RPS6KA2: variants seen among roughly 807,000 people sequenced by gnomAD.
RPS6KA2 encodes the protein ribosomal protein S6 kinase alpha-2.
A neutral mutation model predicts 91.8 loss-of-function variants in RPS6KA2; 42 were observed. The observed-to-expected ratio is 0.46, with a 90% CI of 0.36 to 0.59. RPS6KA2 has a LOEUF of 0.59. Ranked by LOEUF, RPS6KA2 falls within the 20% of genes least tolerant of loss-of-function variation. RPS6KA2 has a pLI of 0.00. For synonymous variants in RPS6KA2, 414 were observed against 393.6 expected, an observed-to-expected ratio of 1.05 and a Z score of -0.61; for missense variants, 798 against 978.5, an observed-to-expected ratio of 0.82 and a Z score of 2.46.
At chr6:166,660,713 C>T (rs1489111569) in intron 2 of RPS6KA2, among the ~76,000 whole-genome samples, 1 of 152,196 alleles carries the variant, frequency 6.6e-6, no homozygotes, top group African/African-American at 2.4e-5. Context: ...ACAGTATGTG[C>T]TGTTCTTGAG....
chr6:166,503,933 G>GTT (rs1782107954), intron 6 of RPS6KA2, among the ~76,000 whole-genome samples: 1 of 152,202 alleles, frequency 6.6e-6, no homozygotes, highest in Admixed American at 6.5e-5. Context: ...TTCTGGGGCC[G>GTT]TTGTCTTTTA....
chr6:166,756,047 T>C (rs949596095), intron 2 of RPS6KA2, among the ~76,000 whole-genome samples: 3 of 152,210 alleles, frequency 2.0e-5, no homozygotes, highest in African/African-American at 4.8e-5. Context: ...TAAAATTATA[T>C]TCTGTGGCCG....
chr6:166,414,818 A>G lies in RPS6KA2; in HGVS notation c.1939-887T>C, dbSNP rs1332958466. On this transcript the variant is annotated intron_variant, in intron 19 of 20. Coordinates refer to ENST00000265678, the MANE Select transcript of RPS6KA2 (RefSeq NM_021135.6). ...GTTGGCTCATGCCTGTAATCCTAGC[A>G]CTCTGGGAGGCTGAGGCAGGTGGAT... Among the ~76,000 whole-genome samples, 3 of 152,142 alleles carry G rather than the reference A, an allele frequency of 2.0e-5. No individual in the cohort carries two copies. In the East Asian group the frequency reaches 5.8e-4, roughly 29 times the overall value.
intron 2 of RPS6KA2, among the ~76,000 whole-genome samples, chr6:166,711,706 C>T (rs1163339979): frequency 6.6e-6 from 1 of 151,448 alleles, no homozygotes; most frequent in Non-Finnish European, 1.5e-5. Flanking sequence ...CACCTCAAAA[C>T]CCAGAGAAAT....
intron 1 of RPS6KA2, among the ~76,000 whole-genome samples, chr6:166,548,183 G>T (rs1014421155): frequency 6.6e-6 from 1 of 152,132 alleles, no homozygotes; most frequent in African/African-American, 2.4e-5. Flanking sequence ...AAAAATTACG[G>T]AACATATTAT....
intron 11 of RPS6KA2, among the ~76,000 whole-genome samples, chr6:166,468,856 T>TCGGCCTCAAAAAA (rs567161437): frequency 8.9e-6 from 1 of 112,184 alleles, no homozygotes; most frequent in Admixed American, 8.9e-5. Flanking sequence ...AGAGCGAGAC[T>TCGGCCTCAAAAAA]AAAAAAAAAA....
intron 2 of RPS6KA2, among the ~76,000 whole-genome samples, chr6:166,800,602 A>C (rs1233457557): frequency 6.6e-6 from 1 of 152,116 alleles, no homozygotes; most frequent in African/African-American, 2.4e-5. Context: ...TGGAAGCAGA[A>C]ATGGGTCCTC....
chr6:166,746,157 C>G (rs930235369), intron 2 of RPS6KA2, among the ~76,000 whole-genome samples: 1 of 152,148 alleles, frequency 6.6e-6, no homozygotes, highest in South Asian at 2.1e-4. Context: ...TGCCTTGGGA[C>G]GCACACACCC....
intron 2 of RPS6KA2, among the ~76,000 whole-genome samples, chr6:166,698,672 A>C (rs545191519): frequency 2.8e-4 from 42 of 152,276 alleles, no homozygotes; most frequent in Admixed American, 9.8e-4. Context: ...CTTCCGTTGA[A>C]TATTGCAATA....
intron 2 of RPS6KA2, among the ~76,000 whole-genome samples, chr6:166,638,548 G>A (rs1384961431): frequency 6.6e-6 from 1 of 152,176 alleles, no homozygotes; most frequent in East Asian, 1.9e-4. Context: ...GGCGAAAGAC[G>A]GATCTAAAAA....
intron 2 of RPS6KA2, among the ~76,000 whole-genome samples, chr6:166,748,631 GGCCCCC>G (rs1791124796): frequency 1.5e-5 from 1 of 67,814 alleles, no homozygotes; most frequent in Non-Finnish European, 2.7e-5. Flanking sequence ...CACCTCCTCA[GGCCCCC>G]ATCCCCTTGG....
chr6:166,780,579 A>G (rs1233092113), intron 2 of RPS6KA2, among the ~76,000 whole-genome samples: 1 of 152,188 alleles, frequency 6.6e-6, no homozygotes, highest in Non-Finnish European at 1.5e-5. Context: ...CAGAAGCCAG[A>G]GGTTCCCTTC....
intron 2 of RPS6KA2, among the ~76,000 whole-genome samples, chr6:166,805,669 C>T (rs845665): frequency 0.7 from 106,460 of 152,008 alleles, 37,627 homozygotes; most frequent in East Asian, 0.93. Context: ...AGAATCTGAC[C>T]TTCAGAGCTA....
intron 2 of RPS6KA2, among the ~76,000 whole-genome samples, chr6:166,646,974 T>G (rs963149647): frequency 6.6e-6 from 1 of 152,198 alleles, no homozygotes; most frequent in Admixed American, 6.5e-5. Flanking sequence ...TTCTCCAGGC[T>G]GACGCCCAGC....
intron 2 of RPS6KA2, among the ~76,000 whole-genome samples, chr6:166,800,666 G>A (rs941746603): frequency 5.3e-5 from 8 of 152,158 alleles, no homozygotes; most frequent in African/African-American, 1.4e-4. Flanking sequence ...CTCCAGAACT[G>A]TGAGAAAGAA....
chr6:166,692,042 C>T (rs1451240614), intron 2 of RPS6KA2, among the ~76,000 whole-genome samples: 2 of 152,102 alleles, frequency 1.3e-5, no homozygotes, highest in Non-Finnish European at 2.9e-5. Context: ...GTCAGGGCGT[C>T]CTGTGTTGGG....
Position 166,770,897 on chromosome 6 carries a change from G to T in RPS6KA2, c.123+87303C>A. The T allele has an allele frequency of 6.3e-7, 1 of 1,597,340 alleles. No individual in the cohort carries two copies. The highest frequency in any genetic ancestry group is 8.5e-7 in the Non-Finnish European group (1 of 1,179,582). ...TCCAGCTACCTTTGTCTTGCAGGCA[G>T]CTGAGTCACTTTTGCCCTGTGAAAA... On this transcript the variant is annotated intron_variant, in intron 2 of 21. Coordinates refer to the RPS6KA2 transcript ENST00000503859. This position sits in a 1 kb window ranked among gnomAD's most constrained non-coding sequence, Gnocchi z 5.1.
At chr6:166,473,892 T>C (rs1306227484) in intron 10 of RPS6KA2, among the ~76,000 whole-genome samples, 1 of 152,036 alleles carries the variant, frequency 6.6e-6, no homozygotes, top group East Asian at 1.9e-4. Context: ...GTCTGCTTTT[T>C]CAATTTCTTC....
chr6:166,419,191 G>A lies in RPS6KA2; in HGVS notation c.1820+691C>T, dbSNP rs1455016614. 6.6e-6 allele frequency among the ~76,000 whole-genome samples: 1 copy of A among 152,220 alleles called. No homozygotes were observed. The highest frequency in any genetic ancestry group is 2.4e-5 in the African/African-American group (1 of 41,462). On this transcript the variant is annotated intron_variant, in intron 18 of 20. Coordinates refer to ENST00000265678, the MANE Select transcript of RPS6KA2 (RefSeq NM_021135.6). The surrounding 1 kb of genome is among the most constrained non-coding windows in gnomAD (Gnocchi z 5.6). ...TTTGCTACAGCAAACAGGATTCGAT[G>A]GTCTAGGGTTCTTTTCTTTTTGCCT...
Sources: allele counts gnomAD v4.1 joint callset (sites outside exome capture counted in the v4.1 genomes callset), GRCh38; gene constraint gnomAD v4.1.1; non-coding constraint Gnocchi (gnomAD v3.1); transcripts MANE v1.5; gene names NCBI Gene and HGNC (gene_info 2026-07-23, HGNC 2026-07-21).